TCF4: variants seen among roughly 807,000 people sequenced by gnomAD.
The protein encoded by TCF4 is SL3-3 enhancer factor 2.
Under a neutral mutation model 82.1 loss-of-function variants are expected in TCF4, and 3 were observed. That is an observed-to-expected ratio of 0.04 (90% CI 0.02 to 0.09). TCF4 has a LOEUF of 0.09. Ranked by LOEUF, TCF4 falls within the 10% of genes least tolerant of loss-of-function variation. TCF4 has a pLI of 1.00. For synonymous variants in TCF4, 276 were observed against 309.6 expected (o/e 0.89, Z 1.14); for missense variants, 518 against 852.7 (o/e 0.61, Z 4.89).
rs1202705371 is a variant in TCF4 at position 55,272,463 on chromosome 18, G to A, written c.790-2500C>T. ...GGACATGAGGAGTGTGACAAAGTGC[G>A]AGGCTTTACATGCCCACTATTCGTT... is the stretch of plus-strand genomic sequence containing the variant. On this transcript the variant is annotated intron_variant, in intron 10 of 19. Transcript: ENST00000354452. Among the ~76,000 whole-genome samples the A allele has an allele frequency of 3.9e-5, 6 of 151,966 alleles. No individual in the cohort carries two copies. In the South Asian group the frequency reaches 1.0e-3, roughly 26 times the overall value.
intron 3 of TCF4, among the ~76,000 whole-genome samples, chr18:55,494,576 A>T (rs2096612675): frequency 6.6e-6 from 1 of 152,114 alleles, no homozygotes. Context: ...CACTACAATC[A>T]CAGACATTTT....
At chr18:55,326,141 ATTAAATCAGAGCAC>A (rs2076516273) in intron 8 of TCF4, among the ~76,000 whole-genome samples, 1 of 152,198 alleles carries the variant, frequency 6.6e-6, no homozygotes, top group Non-Finnish European at 1.5e-5. Flanking sequence ...GAGCAAAGTT[ATTAAATCAGAGCAC>A]TTAAACTTGA....
At chr18:55,263,623 C>T (rs1471899360) in intron 11 of TCF4, among the ~76,000 whole-genome samples, 1 of 151,820 alleles carries the variant, frequency 6.6e-6, no homozygotes, top group African/African-American at 2.4e-5. Flanking sequence ...ACAAGAACAA[C>T]AAACAAACCT....
At chr18:55,325,018 T>A (rs2076319052) in intron 8 of TCF4, among the ~76,000 whole-genome samples, 1 of 152,206 alleles carries the variant, frequency 6.6e-6, no homozygotes, top group Non-Finnish European at 1.5e-5. Flanking sequence ...CATACATTTG[T>A]TATAAGAAAC....
At chr18:55,510,822 T>C (rs2096820312) in intron 3 of TCF4, 2 of 1,119,506 alleles carry the variant, frequency 1.8e-6, no homozygotes, top group African/African-American at 1.6e-5. Context: ...GAAGGGGAAA[T>C]GATACTGGCT....
At chr18:55,559,550 C>T (rs1045908103) in intron 3 of TCF4, among the ~76,000 whole-genome samples, 15 of 151,692 alleles carry the variant, frequency 9.9e-5, no homozygotes, top group South Asian at 4.2e-4. Flanking sequence ...CACCAGTTAA[C>T]ATTGGCTTCT....
chr18:55,350,884 A>T lies in TCF4; in HGVS notation c.489T>A (p.Ser163Arg). The T allele has an allele frequency of 6.2e-7, 1 of 1,613,434 alleles. No individual in the cohort carries two copies. Among genetic ancestry groups the T allele is most frequent in the South Asian group, 1.1e-5 (1 of 91,068 alleles). ...SNNPRRRPLH[S>R]SAMEVQTKKV... ...AAAGGAATACCTTACCCATGGCACTACTGTGAAGAGGCCTCCTTCGGGGAT... is the reference window on the plus strand; with the variant it reads ...AAAGGAATACCTTACCCATGGCACTTCTGTGAAGAGGCCTCCTTCGGGGAT... The change falls in exon 7 of 20, where the codon AGT (serine) becomes AGA (arginine). Residue 163 changes from serine to arginine, a missense_variant. Ser to Arg is a moderately radical substitution (Grantham distance 110). Transcript: ENST00000354452.
At chr18:55,306,778 CT>C (rs1233613241) in intron 8 of TCF4, among the ~76,000 whole-genome samples, 1 of 152,158 alleles carries the variant, frequency 6.6e-6, no homozygotes, top group African/African-American at 2.4e-5. Context: ...CAAAGGGTTG[CT>C]TTAAAATTGG....
intron 8 of TCF4, among the ~76,000 whole-genome samples, chr18:55,294,034 CG>C (rs1394072205): frequency 1.6e-5 from 2 of 125,274 alleles, no homozygotes; most frequent in African/African-American, 3.0e-5. Context: ...CCGAGGTGGG[CG>C]GATCACTTGA....
intron 12 of TCF4, chr18:55,261,248 G>T: frequency 1.6e-6 from 1 of 606,642 alleles, no homozygotes; most frequent in Non-Finnish European, 2.9e-6. Context: ...ATAATTGAGT[G>T]CAGCTTAGTA....
At chr18:55,340,352 G>C (rs939396507) in intron 8 of TCF4, among the ~76,000 whole-genome samples, 2 of 151,996 alleles carry the variant, frequency 1.3e-5, no homozygotes, top group African/African-American at 4.8e-5. Flanking sequence ...GGCTGACTAC[G>C]TGTCTTGGTT....
rs2097720056 is a variant in TCF4, at chr18:55,621,680, ATATATT to A, written c.286+9612_286+9617del. Among the ~76,000 whole-genome samples the A allele has an allele frequency of 2.0e-4, 2 of 9,758 alleles. 1 individual carries two copies. The highest frequency in any genetic ancestry group is 9.3e-4 in the African/African-American group (2 of 2,142). The allele number at this position is 9,758 out of a possible 152,430, so 6.4% of individuals were successfully genotyped here. On this transcript the variant is annotated intron_variant, in intron 2 of 20. Transcript: ENST00000398339. ...TAATATACATTATATAATATACATTATATATTATATTATATAATATATATTATATAA... is the reference window on the plus strand; with the variant it reads ...TAATATACATTATATAATATACATTAATATTATATAATATATATTATATAA...
At chr18:55,562,238 C>T (rs971797605) in intron 3 of TCF4, among the ~76,000 whole-genome samples, 2 of 152,150 alleles carry the variant, frequency 1.3e-5, no homozygotes, top group Non-Finnish European at 2.9e-5. Flanking sequence ...CCGACCCCTG[C>T]TCTAGTCCAC....
At chr18:55,478,906 GAA>G (rs2096362262) in intron 3 of TCF4, among the ~76,000 whole-genome samples, 2 of 151,350 alleles carry the variant, frequency 1.3e-5, no homozygotes, top group Non-Finnish European at 2.9e-5. Flanking sequence ...ATATTGGTGG[GAA>G]ATCTCTGTAT....
chr18:55,431,062 C>G (rs964705940), intron 5 of TCF4, among the ~76,000 whole-genome samples: 1 of 152,084 alleles, frequency 6.6e-6, no homozygotes, highest in African/African-American at 2.4e-5. Context: ...CCAGGAGACA[C>G]AAGTTAGAAG....
chr18:55,403,566 A>C, intron 5 of TCF4, 48 bp from the exon 6 acceptor site: 1 of 1,613,780 alleles, frequency 6.2e-7, no homozygotes. Context: ...TTTCCTTAAA[A>C]AAAAATCTCC....
At chr18:55,530,563 G>GC (rs371484601) in intron 3 of TCF4, among the ~76,000 whole-genome samples, 39 of 137,022 alleles carry the variant, frequency 2.8e-4, no homozygotes, top group African/African-American at 6.0e-4. Flanking sequence ...CCCTGAAAAG[G>GC]GGGGGGGAAA....
chr18:55,275,574 A>C, intron 10 of TCF4, 45 bp downstream of exon 10: 1 of 1,613,256 alleles, frequency 6.2e-7, no homozygotes, highest in Non-Finnish European at 8.5e-7. Flanking sequence ...ACGAGGTTTA[A>C]TCAACTAGCT....
intron 8 of TCF4, among the ~76,000 whole-genome samples, chr18:55,314,160 A>G (rs1421137038): frequency 6.6e-6 from 1 of 152,134 alleles, no homozygotes; most frequent in Admixed American, 6.6e-5. Flanking sequence ...ACACACAAAA[A>G]GGCACTACAA....
Sources: allele counts gnomAD v4.1 joint callset (sites outside exome capture counted in the v4.1 genomes callset), GRCh38; gene constraint gnomAD v4.1.1; transcripts MANE v1.5; gene names NCBI Gene and HGNC (gene_info 2026-07-23, HGNC 2026-07-21).